The following MCTP1 variants were observed in gnomAD, a reference collection of about 807,000 sequenced individuals.
MCTP1 encodes the protein multiple C2 and transmembrane domain containing 1.
Under a neutral mutation model 120.6 loss-of-function variants are expected in MCTP1, and 69 were observed. The ratio of observed to expected loss-of-function variants is 0.57; its 90% CI spans 0.47 to 0.70. The LOEUF (loss-of-function observed/expected upper bound fraction) is 0.70. Ranked by LOEUF, MCTP1 falls within the 30% of genes least tolerant of loss-of-function variation. MCTP1 has a pLI of 0.00. For synonymous variants in MCTP1, 529 were observed against 493.1 expected (o/e 1.07, Z -0.96); for missense variants, 1,203 against 1,248.8 (o/e 0.96, Z 0.55).
chr5:95,226,444 T>G (rs1754278868), intron 1 of MCTP1, among the ~76,000 whole-genome samples: 1 of 152,218 alleles, frequency 6.6e-6, no homozygotes, highest in Non-Finnish European at 1.5e-5. Flanking sequence ...AAAAATAGTA[T>G]GAAGAATCTC....
chr5:94,748,170 G>T (rs1254700600), intron 19 of MCTP1, among the ~76,000 whole-genome samples: 1 of 152,206 alleles, frequency 6.6e-6, no homozygotes, highest in Non-Finnish European at 1.5e-5. Flanking sequence ...TCTGTAATTT[G>T]ATGTGGGTTT....
intron 1 of MCTP1, among the ~76,000 whole-genome samples, chr5:95,277,646 C>T (rs960818141): frequency 2.0e-5 from 3 of 152,216 alleles, no homozygotes; most frequent in South Asian, 2.1e-4. Flanking sequence ...GCAGAGCTGG[C>T]GAGGCAAGTG....
intron 1 of MCTP1, among the ~76,000 whole-genome samples, chr5:95,226,980 T>C (rs1204140050): frequency 6.6e-6 from 1 of 152,098 alleles, no homozygotes; most frequent in Non-Finnish European, 1.5e-5. Flanking sequence ...TTACATTCCA[T>C]ACAGAGAGGA....
chr5:94,777,214 CT>C (rs1216903957), intron 19 of MCTP1, among the ~76,000 whole-genome samples: 2 of 152,116 alleles, frequency 1.3e-5, no homozygotes, highest in Non-Finnish European at 2.9e-5. Context: ...TTTCAATCAA[CT>C]TTGGTAACTA....
intron 17 of MCTP1, among the ~76,000 whole-genome samples, chr5:94,820,484 C>T (rs1785402247): frequency 6.6e-6 from 1 of 152,168 alleles, no homozygotes; most frequent in African/African-American, 2.4e-5. Context: ...CACAGTCATG[C>T]TCTTTGGCAT....
At chr5:95,180,101 T>A (rs1748438507) in intron 1 of MCTP1, among the ~76,000 whole-genome samples, 1 of 152,084 alleles carries the variant, frequency 6.6e-6, no homozygotes, top group Admixed American at 6.5e-5. Flanking sequence ...AATATCACAA[T>A]CCTAAATATA....
intron 1 of MCTP1, among the ~76,000 whole-genome samples, chr5:95,138,531 T>C (rs1759633839): frequency 6.6e-6 from 1 of 152,218 alleles, no homozygotes; most frequent in South Asian, 2.1e-4. Context: ...TGCCTTATTA[T>C]ACAAACAGCA....
At chr5:95,014,796 G>T (rs1458208590) in intron 2 of MCTP1, among the ~76,000 whole-genome samples, 2 of 152,092 alleles carry the variant, frequency 1.3e-5, no homozygotes, top group African/African-American at 2.4e-5. Context: ...GCTCTACTGT[G>T]GGTAAAGTAC....
chr5:94,995,010 G>A (rs1436154937), intron 2 of MCTP1, among the ~76,000 whole-genome samples: 2 of 152,194 alleles, frequency 1.3e-5, no homozygotes, highest in African/African-American at 4.8e-5. Context: ...TACTTTTGAG[G>A]TTTTGGGACT....
chr5:94,873,992 C>A (rs139490729), intron 12 of MCTP1, among the ~76,000 whole-genome samples: 144 of 151,836 alleles, frequency 9.5e-4, no homozygotes, highest in African/African-American at 3.4e-3. Flanking sequence ...TTTGTGAAGT[C>A]CTTAATATTT....
intron 1 of MCTP1, among the ~76,000 whole-genome samples, chr5:95,161,557 C>A (rs1280044383): frequency 6.6e-6 from 1 of 151,864 alleles, no homozygotes; most frequent in East Asian, 1.9e-4. Context: ...TAAAATGGAT[C>A]GTATACTTCA....
chr5:95,098,891 C>G (rs1182125229), intron 1 of MCTP1, among the ~76,000 whole-genome samples: 1 of 152,114 alleles, frequency 6.6e-6, no homozygotes, highest in Non-Finnish European at 1.5e-5. Flanking sequence ...GCTACAGTAA[C>G]CAAAACAGCA....
chr5:94,910,144 G>A (rs1352024570), intron 9 of MCTP1, among the ~76,000 whole-genome samples: 1 of 121,270 alleles, frequency 8.2e-6, no homozygotes, highest in South Asian at 2.6e-4. Context: ...ATATATGTAT[G>A]AGTATATACA....
intron 1 of MCTP1, among the ~76,000 whole-genome samples, chr5:95,112,280 G>A (rs901238727): frequency 6.6e-6 from 1 of 152,152 alleles, no homozygotes; most frequent in Non-Finnish European, 1.5e-5. Context: ...ACTGTATCTA[G>A]AACAAATGCC....
chr5:94,993,381 C>T (rs1831987581), intron 2 of MCTP1, among the ~76,000 whole-genome samples: 2 of 152,262 alleles, frequency 1.3e-5, no homozygotes, highest in South Asian at 2.1e-4. Flanking sequence ...TGTAAAACAA[C>T]ACCTGGAACA....
rs147984561 is a variant in MCTP1, at chr5:94,882,148, T to G, written c.1933+6731A>C. 6.2e-3 allele frequency among the ~76,000 whole-genome samples: 940 copies of G among 152,306 alleles called. 14 individuals are homozygous for G. Among genetic ancestry groups the G allele is most frequent in the African/African-American group, 0.022 (895 of 41,578 alleles). On this transcript the variant is annotated intron_variant, in intron 12 of 22. Transcript: ENST00000515393. ...GTTCATCTTGTTGAATTAAGCCTAT[T>G]ATTTGTCTGTAGTATAGGATTGTAT...
chr5:95,074,235 A>G (rs1299982471), intron 1 of MCTP1, among the ~76,000 whole-genome samples: 1 of 152,244 alleles, frequency 6.6e-6, no homozygotes, highest in Admixed American at 6.5e-5. Flanking sequence ...TGAATCTGCT[A>G]TACCATGCAG....
chr5:94,995,921 T>C (rs1832538340), intron 2 of MCTP1, among the ~76,000 whole-genome samples: 1 of 152,168 alleles, frequency 6.6e-6, no homozygotes, highest in Non-Finnish European at 1.5e-5. Context: ...TTAAGAAACC[T>C]TTTTGTCTCA....
At chr5:94,745,800 G>C (rs565417536) in intron 19 of MCTP1, among the ~76,000 whole-genome samples, 1 of 152,324 alleles carries the variant, frequency 6.6e-6, no homozygotes, top group East Asian at 1.9e-4. Context: ...TAGTAGATTA[G>C]GTAGTAGAGT....
Sources: gnomAD v4.1 joint callset for allele counts (sites outside exome capture counted in the v4.1 genomes callset) on GRCh38, gnomAD v4.1.1 for gene constraint, MANE v1.5 for transcripts, NCBI Gene and HGNC (gene_info 2026-07-23, HGNC 2026-07-21) for gene names.